The following HDAC8 variants were observed in gnomAD, a reference collection of about 807,000 sequenced individuals.
HDAC8 encodes histone deacetylase-like 1.
Under a neutral mutation model 32.2 loss-of-function variants are expected in HDAC8, and 1 was observed. The observed-to-expected ratio is 0.03, with a 90% CI of 0.01 to 0.15. The LOEUF (loss-of-function observed/expected upper bound fraction) is 0.15, where lower values mean the gene tolerates loss of function less well. Among genes scored for constraint, HDAC8 ranks in the 10% least tolerant of loss-of-function variants. HDAC8 has a pLI of 1.00. For synonymous variants in HDAC8, 108 were observed against 113.9 expected (o/e 0.95, Z 0.33); for missense variants, 117 against 300.0 (o/e 0.39, Z 4.51).
chrX:72,350,968 C>T (rs1201392429), intron 10 of HDAC8, among the ~76,000 whole-genome samples: 9 of 112,261 alleles, frequency 8.0e-5, no homozygotes, highest in Non-Finnish European at 1.7e-4. Flanking sequence ...TAACCCACTC[C>T]CAGGGCATCA....
intron 7 of HDAC8, among the ~76,000 whole-genome samples, chrX:72,486,831 C>T (rs2048692212): frequency 8.9e-6 from 1 of 112,267 alleles, no homozygotes; most frequent in African/African-American, 3.2e-5. Context: ...ATTAATCCAA[C>T]AGATAGGAGA....
At chrX:72,371,618 A>G (rs2044878572) in intron 9 of HDAC8, among the ~76,000 whole-genome samples, 1 of 112,070 alleles carries the variant, frequency 8.9e-6, no homozygotes, top group Non-Finnish European at 1.9e-5. Flanking sequence ...GACAGAGTGC[A>G]ATAGGCACTC....
At chrX:72,552,237 G>A (rs1556073977) in intron 4 of HDAC8, among the ~76,000 whole-genome samples, 9 of 110,916 alleles carry the variant, frequency 8.1e-5, no homozygotes. Context: ...TGAGGTGGGA[G>A]GATCACCTGA....
chrX:72,350,765 T>A (rs2044155158), intron 10 of HDAC8, among the ~76,000 whole-genome samples: 1 of 112,290 alleles, frequency 8.9e-6, no homozygotes, highest in Non-Finnish European at 1.9e-5. Context: ...CTGAGGACAG[T>A]GACCCCAAAC....
chrX:72,472,166 CA>C (rs2048203272), intron 7 of HDAC8, among the ~76,000 whole-genome samples: 2 of 105,743 alleles, frequency 1.9e-5, no homozygotes, highest in Admixed American at 1.0e-4. Context: ...CTCCCGGGTT[CA>C]CGCCATTCTC....
chrX:72,360,644 A>G (rs782009192), intron 9 of HDAC8, among the ~76,000 whole-genome samples: 2 of 111,823 alleles, frequency 1.8e-5, no homozygotes, highest in East Asian at 2.8e-4. Context: ...TGACCAGAAT[A>G]ACACGGCACC....
intron 4 of HDAC8, among the ~76,000 whole-genome samples, chrX:72,528,338 A>G (rs782003934): frequency 8.9e-6 from 1 of 112,219 alleles, no homozygotes; most frequent in Admixed American, 9.4e-5. Flanking sequence ...GGGAGTCTCT[A>G]TAAATACCTG....
intron 7 of HDAC8, among the ~76,000 whole-genome samples, chrX:72,465,274 T>A (rs953845439): frequency 9.0e-6 from 1 of 111,667 alleles, no homozygotes; most frequent in Non-Finnish European, 1.9e-5. Flanking sequence ...TCCTCCCTAA[T>A]GCATATGTAA....
chrX:72,433,957 C>A (rs1479669278), intron 9 of HDAC8, among the ~76,000 whole-genome samples: 2 of 112,490 alleles, frequency 1.8e-5, no homozygotes, highest in Admixed American at 9.4e-5. Context: ...AATGTTAATT[C>A]TTTTCTTTCT....
At chrX:72,337,962 T>A (rs1015107475) in intron 10 of HDAC8, among the ~76,000 whole-genome samples, 4 of 111,765 alleles carry the variant, frequency 3.6e-5, no homozygotes, top group African/African-American at 1.3e-4. Flanking sequence ...CATTTCCAAC[T>A]CTTCTCATAA....
chrX:72,501,008 C>G (rs1204858829), intron 4 of HDAC8, among the ~76,000 whole-genome samples: 2 of 111,572 alleles, frequency 1.8e-5, no homozygotes, highest in African/African-American at 6.5e-5. Context: ...CATGAAAGAA[C>G]TTCCATTCAC....
intron 4 of HDAC8, among the ~76,000 whole-genome samples, chrX:72,514,136 G>A (rs2049701076): frequency 8.9e-6 from 1 of 112,411 alleles, no homozygotes; most frequent in Non-Finnish European, 1.9e-5. Context: ...CAGATCAGGA[G>A]GGTGGAAGAT....
At chrX:72,503,755 A>G (rs2049300603) in intron 4 of HDAC8, among the ~76,000 whole-genome samples, 1 of 112,135 alleles carries the variant, frequency 8.9e-6, no homozygotes, top group Non-Finnish European at 1.9e-5. Flanking sequence ...GGAATGCCAT[A>G]TTTGTGAATG....
intron 10 of HDAC8, among the ~76,000 whole-genome samples, chrX:72,344,611 A>G (rs781932217): frequency 4.4e-5 from 5 of 112,407 alleles, no homozygotes; most frequent in African/African-American, 1.6e-4. Context: ...CAAATTCAGT[A>G]CATCAAAAGA....
At chrX:72,399,760 C>T (rs1555966808) in intron 9 of HDAC8, among the ~76,000 whole-genome samples, 2 of 112,149 alleles carry the variant, frequency 1.8e-5, no homozygotes, top group Admixed American at 1.9e-4. Flanking sequence ...TAATTTCTTC[C>T]TAGCACATTT....
In HDAC8 at chrX:72,523,565, CCT is replaced by C. The variant is rs782470839; in HGVS notation, c.438-28299_438-28298del. Among the ~76,000 whole-genome samples the C allele has an allele frequency of 4.5e-5, 5 of 111,188 alleles. No homozygotes were observed. The East Asian group carries it at 1.4e-3, about 31-fold the overall frequency. On this transcript the variant is annotated intron_variant, in intron 4 of 10. Coordinates refer to ENST00000373573, the MANE Select transcript of HDAC8 (RefSeq NM_018486.3). The stretch of plus-strand genomic sequence containing the variant: ...TCAGTTTCCTTCTCTGGTTTCCAAT[CCT>C]CTGTTTGCCCCCTAAATGTTGATGC...
At chrX:72,522,764 A>G (rs2050022486) in intron 4 of HDAC8, among the ~76,000 whole-genome samples, 2 of 112,520 alleles carry the variant, frequency 1.8e-5, no homozygotes, top group African/African-American at 6.5e-5. Flanking sequence ...GTGCTCAGTA[A>G]AAAATATTCA....
chrX:72,446,423 A>T (rs1468651565), intron 9 of HDAC8, among the ~76,000 whole-genome samples: 2 of 110,495 alleles, frequency 1.8e-5, no homozygotes, highest in Non-Finnish European at 3.8e-5. Flanking sequence ...TTCTCAGTAA[A>T]CTATCGCAAG....
chrX:72,417,489 A>G (rs1437585385), intron 9 of HDAC8, among the ~76,000 whole-genome samples: 2 of 111,725 alleles, frequency 1.8e-5, no homozygotes, highest in African/African-American at 6.5e-5. Flanking sequence ...AAGGAATAAA[A>G]TATCTAGGAA....
Sources: gnomAD v4.1 joint callset for allele counts (sites outside exome capture counted in the v4.1 genomes callset) on GRCh38, gnomAD v4.1.1 for gene constraint, MANE v1.5 for transcripts, NCBI Gene and HGNC (gene_info 2026-07-23, HGNC 2026-07-21) for gene names.